The following COL9A3 variants were observed in gnomAD, a reference collection of about 807,000 sequenced individuals.
COL9A3 encodes collagen alpha-3(IX) chain.
In COL9A3, 82 loss-of-function variants were observed where a neutral mutation model predicts 110.2. That is an observed-to-expected ratio of 0.74 (90% CI 0.62 to 0.89). The LOEUF is 0.89. Among genes scored for constraint, COL9A3 ranks in the 40% least tolerant of loss-of-function variants. COL9A3 has a pLI of 0.00. For synonymous variants in COL9A3, 494 were observed against 403.8 expected, an observed-to-expected ratio of 1.22 and a Z score of -2.68; for missense variants, 1,066 against 981.3, an observed-to-expected ratio of 1.09 and a Z score of -1.15.
In COL9A3 at chr20:62,837,124, G is replaced by T; in HGVS notation, c.1645G>T (p.Ala549Ser). ...QLAAHLRKPL[A>S]PGSIGRPGPA... ...AGCCGCGCACCTAAGGAAGCCTTTG[G>T]CACCCGGGTCCATTGGTCGGCCCGG... The change falls in exon 30 of 32, where the codon GCA becomes TCA. Residue 549 changes from alanine (A) to serine (S), a missense_variant. Physicochemically the swap from Ala to Ser is moderately conservative, Grantham distance 99. Transcript: ENST00000649368. The T allele has an allele frequency of 6.2e-7, 1 of 1,613,486 alleles. No individual in the cohort carries two copies. Among genetic ancestry groups the T allele is most frequent in the Non-Finnish European group, 8.5e-7 (1 of 1,180,012 alleles).
chr20:62,833,553 G>A (rs542295584), intron 26 of COL9A3, among the ~76,000 whole-genome samples: 319 of 150,994 alleles, frequency 2.1e-3, no homozygotes, highest in Admixed American at 3.6e-3. Context: ...ACAGGCGCCC[G>A]CCACCATGCC....
intron 3 of COL9A3, among the ~76,000 whole-genome samples, chr20:62,818,813 G>A (rs2734537): frequency 1.3e-4 from 20 of 152,288 alleles, no homozygotes; most frequent in African/African-American, 1.9e-4. Context: ...ACCGGGGCTG[G>A]TACAGCCCTT....
In COL9A3 at chr20:62,831,976, G is replaced by T. The variant is rs565055850; in HGVS notation, c.1288-178G>T. 240 of 708,306 alleles carry T rather than the reference G, an allele frequency of 3.4e-4. 3 individuals are homozygous for T. The African/African-American group carries it at 3.8e-3, about 11-fold the overall frequency. 43.9% of individuals were successfully genotyped at this position (708,306 alleles called of 1,614,324 possible). A position where few individuals can be genotyped will look rare whatever the true frequency, so the allele number is the denominator to read the frequency against. On this transcript the variant is annotated intron_variant, in intron 24 of 31. Transcript: ENST00000649368. ...AGGCTGGACAGAGCCATCGGGCCCA[G>T]AGGCTGTGAACGTGAGCTTGGCCTT...
chr20:62,833,784 G>A (rs1314472640), intron 26 of COL9A3, among the ~76,000 whole-genome samples: 2 of 151,950 alleles, frequency 1.3e-5, no homozygotes, highest in Non-Finnish European at 2.9e-5. Context: ...TGCAGCCTCT[G>A]CCTCCTGGGT....
At chr20:62,824,302 G>T in intron 10 of COL9A3, 143 bp from the exon 11 acceptor site, 1 of 814,662 alleles carries the variant, frequency 1.2e-6, no homozygotes, top group Non-Finnish European at 2.1e-6. Flanking sequence ...GGCCTCCTGG[G>T]GTCCTGTCAC....
intron 2 of COL9A3, among the ~76,000 whole-genome samples, chr20:62,818,144 G>A (rs1224367466): frequency 6.6e-6 from 1 of 152,144 alleles, no homozygotes; most frequent in Non-Finnish European, 1.5e-5. Flanking sequence ...GGACCGTCTG[G>A]GGTGAACCTC....
At chr20:62,836,455 C>G in intron 28 of COL9A3, 23 bp from the exon 29 acceptor site, 1 of 1,613,630 alleles carries the variant, frequency 6.2e-7, no homozygotes, top group Non-Finnish European at 8.5e-7. Flanking sequence ...CCCATGCTGA[C>G]GAATGTGTGG....
intron 2 of COL9A3, 98 bp downstream of exon 2, chr20:62,817,733 C>G: frequency 1.2e-6 from 1 of 816,930 alleles, no homozygotes. Context: ...AAAACCAGGC[C>G]CCACCTCCCA....
intron 11 of COL9A3, 24 bp downstream of exon 11, chr20:62,824,525 C>T (rs750203808): frequency 2.0e-5 from 31 of 1,572,230 alleles, no homozygotes; most frequent in East Asian, 2.3e-5. Context: ...GACTGGGACC[C>T]AAGCACCACC....
chr20:62,826,120 G>T (rs2063549946), intron 13 of COL9A3, 84 bp from the exon 14 acceptor site: 2 of 1,432,818 alleles, frequency 1.4e-6, no homozygotes, highest in Admixed American at 2.0e-5. Context: ...GGGCTCCCAG[G>T]GGTACCCCGA....
intron 31 of COL9A3, among the ~76,000 whole-genome samples, chr20:62,839,320 A>G (rs2063657064): frequency 6.6e-6 from 1 of 152,156 alleles, no homozygotes; most frequent in Admixed American, 6.5e-5. Context: ...GCTACTCAGT[A>G]TCTATTTCAG....
rs1168056863 is a variant in COL9A3, at chr20:62,840,728, C to T, written c.2051C>T (p.Ser684Leu). The change falls in exon 32 of 32, where the codon TCA becomes TTA. Residue 684 changes from serine (S) to leucine (L), a missense_variant. By Grantham distance (145) the Ser-to-Leu change is moderately radical (BLOSUM62 -2). Transcript: ENST00000649368. Reference sequence around the variant, plus strand: ...GGGGAGAAATCAGGCTCTCGAAGCTCATAAAATTCAACGTGAGGAAGCAAG... The same window carrying T: ...GGGGAGAAATCAGGCTCTCGAAGCTTATAAAATTCAACGTGAGGAAGCAAG... ...GVGEKSGSRS[S>L] is the part of the protein sequence containing the mutation. The T allele has an allele frequency of 7.0e-6, 11 of 1,565,514 alleles. No individual in the cohort carries two copies. The highest frequency in any genetic ancestry group is 8.7e-6 in the Non-Finnish European group (10 of 1,154,318).
At chr20:62,834,198 C>T (rs931195734) in intron 26 of COL9A3, among the ~76,000 whole-genome samples, 7 of 152,078 alleles carry the variant, frequency 4.6e-5, no homozygotes, top group South Asian at 4.1e-4. Context: ...TTAGTAGAGA[C>T]GGGGTTTCAC....
At chr20:62,838,857 T>C in intron 31 of COL9A3, 96 bp downstream of exon 31, 1 of 967,038 alleles carries the variant, frequency 1.0e-6, no homozygotes, top group Admixed American at 2.0e-5. Flanking sequence ...AATGGGTCTC[T>C]TTTCCTCTTC....
Position 62,825,804 on chromosome 20 carries a change from C to T in COL9A3, c.631-13C>T, listed in dbSNP as rs374892819. On this transcript the variant is annotated splice_polypyrimidine_tract_variant and intron_variant, in intron 12 of 31. Coordinates refer to ENST00000649368, the MANE Select transcript of COL9A3 (RefSeq NM_001853.4). ...AGACTGGGCCGCTGACCACCCTATC[C>T]CCTCTGTTTCAGGGTGACCCTGGCC... 19 of 1,552,314 alleles carry T rather than the reference C, an allele frequency of 1.2e-5. No homozygotes were observed. Among genetic ancestry groups the T allele is most frequent in the Non-Finnish European group, 1.7e-5 (19 of 1,147,744 alleles).
chr20:62,836,720 A>G, intron 29 of COL9A3, 188 bp downstream of exon 29: 1 of 667,300 alleles, frequency 1.5e-6, no homozygotes, highest in Non-Finnish European at 2.5e-6. Flanking sequence ...GCGCTAGAGG[A>G]TGGCCCACGC....
At chr20:62,822,229 C>G in intron 9 of COL9A3, 65 bp downstream of exon 9, 1 of 877,440 alleles carries the variant, frequency 1.1e-6, no homozygotes. Flanking sequence ...TTGGACCCTC[C>G]CCATTCCCCC....
chr20:62,829,527 G>A (rs1462369197), intron 20 of COL9A3, 28 bp downstream of exon 20: 3 of 1,612,438 alleles, frequency 1.9e-6, no homozygotes, highest in Non-Finnish European at 2.5e-6. Flanking sequence ...CTTTCTCTCT[G>A]GGAGGGGAGG....
Position 62,828,833 on chromosome 20 carries a change from A to G in COL9A3, c.954+16A>G. The G allele has an allele frequency of 6.2e-7, 1 of 1,612,692 alleles. No individual in the cohort carries two copies. Among genetic ancestry groups the G allele is most frequent in the Non-Finnish European group, 8.5e-7 (1 of 1,179,880 alleles). ...TGGCCAGAAGGTTGGCATGGGGCTC[A>G]GGGTGTGACGGGAGGGAGGGGGCTG... On this transcript the variant is annotated intron_variant, in intron 18 of 31. Transcript: ENST00000649368.
Sources: gnomAD v4.1 joint callset for allele counts (sites outside exome capture counted in the v4.1 genomes callset) on GRCh38, gnomAD v4.1.1 for gene constraint, MANE v1.5 for transcripts, NCBI Gene and HGNC (gene_info 2026-07-23, HGNC 2026-07-21) for gene names.